Variants in DUOX1 observed in about 807,000 individuals in gnomAD.
DUOX1 encodes dual oxidase 1.
In DUOX1, 134 loss-of-function variants were observed where a neutral mutation model predicts 181.8. That is an observed-to-expected ratio of 0.74 (90% CI 0.64 to 0.85). The LOEUF is 0.85. Ranked by LOEUF, DUOX1 falls within the 40% of genes least tolerant of loss-of-function variation. The pLI is 0.00. For missense variants in DUOX1, 1,814 were observed against 2,064.4 expected, an observed-to-expected ratio of 0.88 and a Z score of 2.35; for synonymous variants, 798 against 832.5, an observed-to-expected ratio of 0.96 and a Z score of 0.71.
intron 12 of DUOX1, chr15:45,139,942 C>T (rs1340270640): frequency 1.6e-4 from 113 of 697,762 alleles, no homozygotes; most frequent in South Asian, 1.5e-3. Context: ...TTTCTTGCAC[C>T]GATGTTTAAG....
chr15:45,148,905 T>A (rs1165228336), intron 21 of DUOX1, among the ~76,000 whole-genome samples: 2 of 151,170 alleles, frequency 1.3e-5, no homozygotes, highest in African/African-American at 4.9e-5. Flanking sequence ...GTTGTGGGGG[T>A]GGGGTGGTAT....
rs202115504 is a variant in DUOX1 at position 45,161,801 on chromosome 15, G to A, written c.3920G>A (p.Arg1307Gln). 146 of 1,613,968 alleles carry A rather than the reference G, an allele frequency of 9.0e-5. No homozygotes were observed. In the East Asian group the frequency reaches 1.8e-3, roughly 20 times the overall value. Residue 1307 changes from arginine (R) to glutamine (Q), a missense_variant, in exon 30 of 34, where the codon CGG (arginine) becomes CAG (glutamine). Around this residue, in one of 5 missense-constraint regions of DUOX1, gnomAD observed 279 missense variants for 381.9 expected, o/e 0.73. Transcript: ENST00000389037. ...GAGTACAAGTCAGGGCAGTGGGTGCGGATCGCTTGCCTGGCTCTGGGGACC... is the reference window on the plus strand; with the variant it reads ...GAGTACAAGTCAGGGCAGTGGGTGCAGATCGCTTGCCTGGCTCTGGGGACC... ...GFEYKSGQWV[R>Q]IACLALGTTE...
chr15:45,141,764 G>A (rs1051963808), intron 14 of DUOX1, among the ~76,000 whole-genome samples: 12 of 152,016 alleles, frequency 7.9e-5, no homozygotes, highest in African/African-American at 2.9e-4. Flanking sequence ...GTGTGTGTGT[G>A]TGTGTGTGTG....
intron 26 of DUOX1, 165 bp from the exon 27 acceptor site, chr15:45,153,786 C>T: frequency 1.5e-6 from 1 of 671,060 alleles, no homozygotes. Context: ...ACTGGGGAGG[C>T]TGAGGCAGGA....
intron 27 of DUOX1, 152 bp downstream of exon 27, chr15:45,154,152 C>A: frequency 2.8e-6 from 2 of 723,686 alleles, no homozygotes; most frequent in Non-Finnish European, 4.8e-6. Context: ...ACTGGGTGGG[C>A]AGGAGACTTA....
chr15:45,131,068 C>CA, intron 1 of DUOX1, among the ~76,000 whole-genome samples: 1 of 152,350 alleles, frequency 6.6e-6, no homozygotes, highest in South Asian at 2.1e-4. Flanking sequence ...CTCCTCTAGA[C>CA]AACCCATCCA....
intron 28 of DUOX1, among the ~76,000 whole-genome samples, chr15:45,158,186 G>C (rs1277613735): frequency 6.6e-6 from 1 of 152,218 alleles, no homozygotes; most frequent in African/African-American, 2.4e-5. Flanking sequence ...TGTAGAAACA[G>C]AGCAGCATGA....
intron 29 of DUOX1, among the ~76,000 whole-genome samples, 162 bp downstream of exon 29, chr15:45,161,152 G>A (rs935325099): frequency 1.3e-5 from 2 of 152,036 alleles, no homozygotes; most frequent in Non-Finnish European, 2.9e-5. Context: ...AGTGGCTCAC[G>A]CCTGTAATCC....
chr15:45,130,162 G>C (rs931003643), intron 1 of DUOX1, 64 bp downstream of exon 1: 2 of 152,372 alleles, frequency 1.3e-5, no homozygotes, highest in African/African-American at 4.8e-5. Flanking sequence ...GGAGCTCCAA[G>C]GGCAGGGTGG....
intron 10 of DUOX1, 31 bp from the exon 11 acceptor site, chr15:45,139,034 AC>A: frequency 1.9e-6 from 3 of 1,598,238 alleles, no homozygotes; most frequent in Non-Finnish European, 2.6e-6. Flanking sequence ...CATTAACCAC[AC>A]CCCTTTCCTC....
In DUOX1 at chr15:45,141,056, G is replaced by C; in HGVS notation, c.1551G>C (p.Glu517Asp). The stretch of plus-strand genomic sequence containing the variant: ...GGGATGGTGACCGCTACTGGTTTGA[G>C]AACACCAGGAATGGGTAAGGCGTGC... ...RLRDGDRYWF[E>D]NTRNGLFSKK... Residue 517 changes from glutamate to aspartate, a missense_variant, in exon 13 of 34, where the codon GAG becomes GAC. Around this residue, in one of 5 missense-constraint regions of DUOX1, gnomAD observed 1,064 missense variants for 1,152.9 expected, o/e 0.92. Coordinates refer to ENST00000389037, the MANE Select transcript of DUOX1 (RefSeq NM_175940.3). 1 of 1,614,232 alleles carries C rather than the reference G, an allele frequency of 6.2e-7. No homozygotes were observed. The highest frequency in any genetic ancestry group is 8.5e-7 in the Non-Finnish European group (1 of 1,180,042).
chr15:45,134,298 G>A lies in DUOX1; in HGVS notation c.296G>A (p.Gly99Glu), dbSNP rs1386943637. 1 of 1,599,700 alleles carries A rather than the reference G, an allele frequency of 6.3e-7. No homozygotes were observed. The highest frequency in any genetic ancestry group is 2.3e-5 in the East Asian group (1 of 44,330). ...TCCCTGAGAAACCGCACAGTGTTGGGGGTCTTCTTTGGTGAGAACTTCAAC... is the reference window on the plus strand; with the variant it reads ...TCCCTGAGAAACCGCACAGTGTTGGAGGTCTTCTTTGGTGAGAACTTCAAC... ...LASLRNRTVL[G>E]VFFGYHVLSD... The change falls in exon 4 of 34, where the codon GGG becomes GAG. Residue 99 changes from glycine (G) to glutamate (E), a missense_variant. Around this residue, in one of 5 missense-constraint regions of DUOX1, gnomAD observed 320 missense variants for 313.1 expected, o/e 1.02. Coordinates refer to ENST00000389037, the MANE Select transcript of DUOX1 (RefSeq NM_175940.3).
chr15:45,156,518 C>T (rs930877060), intron 28 of DUOX1, among the ~76,000 whole-genome samples: 15 of 152,144 alleles, frequency 9.9e-5, no homozygotes, highest in African/African-American at 3.1e-4. Flanking sequence ...CAGCAACCAC[C>T]GCCTTCCGGG....
In DUOX1 at chr15:45,134,259, C is replaced by G; in HGVS notation, c.257C>G (p.Pro86Arg). Residue 86 changes from proline to arginine, a missense_variant, in exon 4 of 34, where the codon CCT becomes CGT. Coordinates refer to ENST00000389037, the MANE Select transcript of DUOX1 (RefSeq NM_175940.3). ...RDLSNTISRG[P>R]AGLASLRNRT... ...CTTAGCAACACCATCTCAAGGGGCC[C>G]TGCAGGGCTGGCCTCCCTGAGAAAC... 3 of 1,600,420 alleles carry G rather than the reference C, an allele frequency of 1.9e-6. No individual in the cohort carries two copies.
At position 45,135,177 on chromosome 15, in the gene DUOX1, C is replaced by G. The variant is rs778491288; in HGVS notation, c.381C>G (p.Ile127Met). 8.1e-6 allele frequency: 13 copies of G among 1,613,770 alleles called. No homozygotes were observed. The South Asian group carries it at 1.4e-4, about 18-fold the overall frequency. Residue 127 changes from isoleucine to methionine, a missense_variant, in exon 5 of 34, where the codon ATC becomes ATG. Coordinates refer to ENST00000389037, the MANE Select transcript of DUOX1 (RefSeq NM_175940.3). ...CCGCCGAGTTCCTCAACATTCGCAT[C>G]CCGCCCGGAGACCCCATGTTCGACC... ...GCPAEFLNIR[I>M]PPGDPMFDPD...
chr15:45,142,178 C>T (rs2141267256), intron 15 of DUOX1, 66 bp downstream of exon 15: 1 of 1,553,262 alleles, frequency 6.4e-7, no homozygotes, highest in South Asian at 1.2e-5. Flanking sequence ...TTGGGTGGTT[C>T]CACTAATGAC....
At chr15:45,162,922 G>A (rs568619405) in intron 31 of DUOX1, among the ~76,000 whole-genome samples, 76 of 152,232 alleles carry the variant, frequency 5.0e-4, no homozygotes, top group Non-Finnish European at 9.1e-4. Context: ...GCCCCTGCTC[G>A]TTTCTCTGGG....
chr15:45,159,985 C>A (rs1212111457), intron 28 of DUOX1, among the ~76,000 whole-genome samples: 1 of 152,170 alleles, frequency 6.6e-6, no homozygotes, highest in East Asian at 1.9e-4. Context: ...AACCCCATCT[C>A]TACTAAAAAT....
rs761407072 is a variant in DUOX1 at position 45,141,383 on chromosome 15, C to G, written c.1657C>G (p.Gln553Glu). 5.6e-6 allele frequency: 9 copies of G among 1,614,254 alleles called. No homozygotes were observed. The South Asian group carries it at 9.9e-5, about 18-fold the overall frequency. ...AVINIDPSALQPNVFVWHKGD... is the reference protein window; with the variant it reads ...AVINIDPSALEPNVFVWHKGD... ...TATCAACATTGACCCCAGTGCTCTG[C>G]AGCCCAATGTCTTTGTCTGGCATAA... Residue 553 changes from glutamine to glutamate, a missense_variant, in exon 14 of 34, where the codon CAG becomes GAG. Gln to Glu is a conservative substitution (Grantham distance 29). Transcript: ENST00000389037.
Sources: gnomAD v4.1 joint callset for allele counts (sites outside exome capture counted in the v4.1 genomes callset) on GRCh38, gnomAD v4.1.1 for gene constraint, gnomAD v4.1.1 regional missense constraint, MANE v1.5 for transcripts, NCBI Gene and HGNC (gene_info 2026-07-23, HGNC 2026-07-21) for gene names.